The following TRIM22 variants were observed in gnomAD, a reference collection of about 807,000 sequenced individuals.
The protein encoded by TRIM22 is tripartite motif containing 22, also known as E3 ubiquitin-protein ligase TRIM22.
Under a neutral mutation model 53.6 loss-of-function variants are expected in TRIM22, and 45 were observed. That is an observed-to-expected ratio of 0.84 (90% confidence interval 0.66 to 1.08). TRIM22 has a LOEUF of 1.08. Ranked by LOEUF, TRIM22 falls within the 50% of genes least tolerant of loss-of-function variation. TRIM22 has a pLI of 0.00. For missense variants in TRIM22, 616 were observed against 590.9 expected (o/e 1.04, Z -0.44); for synonymous variants, 225 against 216.6 (o/e 1.04, Z -0.34).
Position 5,698,423 on chromosome 11 carries a change from G to C in TRIM22, c.628G>C (p.Val210Leu). 6.2e-7 allele frequency: 1 copy of C among 1,614,212 alleles called. No individual in the cohort carries two copies. Among genetic ancestry groups the C allele is most frequent in the Non-Finnish European group, 8.5e-7 (1 of 1,180,028 alleles). ...RELQKLEEGEVNVLDNLAAAT... is the reference protein window; with the variant it reads ...RELQKLEEGELNVLDNLAAAT... ...GCTGCAAAAGCTGGAGGAAGGTGAG[G>C]TGAATGTGCTGGATAACCTGGCAGC... The change falls in exon 4 of 8, where the codon GTG (valine) becomes CTG (leucine). Residue 210 changes from valine (V) to leucine (L), a missense_variant. Transcript: ENST00000379965.
At position 5,709,216 on chromosome 11, in the gene TRIM22, T is replaced by C; in HGVS notation, c.1065T>C (p.Tyr355=). 1.9e-6 allele frequency: 3 copies of C among 1,614,206 alleles called. No homozygotes were observed. The highest frequency in any genetic ancestry group is 2.5e-6 in the Non-Finnish European group (3 of 1,180,044). The part of the protein sequence containing the change: ...FGCQYFSSGK[Y]YWEVDVSGKI... ...GCCAATATTTCTCTTCGGGGAAATA[T>C]TACTGGGAAGTAGATGTGTCTGGAA... Residue 355 remains tyrosine (Y), a synonymous_variant, in exon 8 of 8, where the codon TAT becomes TAC. Transcript: ENST00000379965.
At chr11:5,709,029 T>G in intron 7 of TRIM22, 24 bp from the exon 8 acceptor site, 1 of 1,582,900 alleles carries the variant, frequency 6.3e-7, no homozygotes, top group South Asian at 1.1e-5. Flanking sequence ...TATCCTTCAC[T>G]TGACTTGGTA....
intron 4 of TRIM22, 82 bp downstream of exon 4, chr11:5,698,627 G>C (rs987806491): frequency 1.7e-6 from 2 of 1,160,662 alleles, no homozygotes; most frequent in Admixed American, 4.3e-5. Context: ...CCAGTCTCTA[G>C]GCTTTCTTCT....
chr11:5,694,024 C>G (rs1853219066), intron 1 of TRIM22, among the ~76,000 whole-genome samples: 1 of 152,178 alleles, frequency 6.6e-6, no homozygotes, highest in Non-Finnish European at 1.5e-5. Flanking sequence ...TTCTTCTTCA[C>G]CCTGGCATAT....
Position 5,697,706 on chromosome 11 carries a change from T to G in TRIM22, c.519+363T>G, listed in dbSNP as rs1590313869. On this transcript the variant is annotated intron_variant, in intron 3 of 7. Coordinates refer to ENST00000379965, the MANE Select transcript of TRIM22 (RefSeq NM_006074.5). ...GTTTCAGTAGGGGGATTTTTTTGTTTGTTTGTTTGTTTTTTGAGACAGAGT... is the reference window on the plus strand; with the variant it reads ...GTTTCAGTAGGGGGATTTTTTTGTTGGTTTGTTTGTTTTTTGAGACAGAGT... 2.5e-5 allele frequency: 5 copies of G among 197,462 alleles called. No homozygotes were observed. In the East Asian group the frequency reaches 5.7e-4, roughly 23 times the overall value. 12.2% of individuals were successfully genotyped at this position (197,462 alleles called of 1,614,324 possible).
chr11:5,695,566 G>GTT lies in TRIM22; in HGVS notation c.-66-591_-66-590dup, dbSNP rs10664616. 4.1e-3 allele frequency among the ~76,000 whole-genome samples: 604 copies of GTT among 145,764 alleles called. 9 individuals carry two copies. The highest frequency in any genetic ancestry group is 0.013 in the African/African-American group (525 of 39,774). On this transcript the variant is annotated intron_variant, in intron 1 of 7. Coordinates refer to ENST00000379965, the MANE Select transcript of TRIM22 (RefSeq NM_006074.5). ...TCAGAATAGGAGTGATGGCATTAGG[G>GTT]TTTTTTTTTTTCAGGTGATAAAAAT...
chr11:5,692,773 A>C (rs1853192239), intron 1 of TRIM22, among the ~76,000 whole-genome samples: 1 of 147,238 alleles, frequency 6.8e-6, no homozygotes, highest in South Asian at 2.2e-4. Flanking sequence ...CAGCCTGGGC[A>C]ACGCAGTGAG....
At chr11:5,693,146 C>A (rs1246097105) in intron 1 of TRIM22, among the ~76,000 whole-genome samples, 1 of 150,300 alleles carries the variant, frequency 6.7e-6, no homozygotes, top group East Asian at 2.0e-4. Flanking sequence ...CTCGGCCCCC[C>A]AAACTGCTGG....
At chr11:5,704,100 TA>T (rs1283205117) in intron 4 of TRIM22, among the ~76,000 whole-genome samples, 3 of 152,166 alleles carry the variant, frequency 2.0e-5, no homozygotes, top group African/African-American at 7.2e-5. Context: ...TAAAAGAACT[TA>T]AAACAGAGCT....
rs1853517914 is a variant in TRIM22, at chr11:5,709,286, A to T, written c.1135A>T (p.Asn379Tyr). 6.2e-7 allele frequency: 1 copy of T among 1,613,910 alleles called. No homozygotes were observed. Among genetic ancestry groups the T allele is most frequent in the Non-Finnish European group, 8.5e-7 (1 of 1,179,998 alleles). ...CGTACACAGTAAAATAAGTAGTCTG[A>T]ATAAAAGGAAGAGCTCTGGGTTTGC... ...LGVHSKISSL[N>Y]KRKSSGFAFD... is the part of the protein sequence containing the mutation. Residue 379 changes from asparagine (N) to tyrosine (Y), a missense_variant, in exon 8 of 8, where the codon AAT becomes TAT. Physicochemically the swap from Asn to Tyr is moderately radical, Grantham distance 143. Transcript: ENST00000379965.
chr11:5,698,569 A>G (rs777980080), intron 4 of TRIM22, 24 bp downstream of exon 4: 17 of 1,576,928 alleles, frequency 1.1e-5, no homozygotes, highest in Middle Eastern at 1.8e-4. Context: ...TGGAGCACCT[A>G]CGTAAGAGAT....
intron 5 of TRIM22, among the ~76,000 whole-genome samples, chr11:5,707,731 G>A (rs577461009): frequency 1.3e-5 from 2 of 152,252 alleles, no homozygotes; most frequent in African/African-American, 2.4e-5. Flanking sequence ...AGAATGGCTT[G>A]AACCTGGGAG....
rs184896942 is a variant in TRIM22 at position 5,700,862 on chromosome 11, G to A, written c.750+2317G>A. Among the ~76,000 whole-genome samples, 243 of 151,936 alleles carry A rather than the reference G, an allele frequency of 1.6e-3. 1 individual carries two copies. Among genetic ancestry groups the A allele is most frequent in the African/African-American group, 5.6e-3 (231 of 41,426 alleles). On this transcript the variant is annotated intron_variant, in intron 4 of 7. Transcript: ENST00000379965. ...TGGTTTTGAACTCCTGACCTCAGAT[G>A]CACCCGGCCGAGAAACTTCCTCTTT...
chr11:5,705,890 T>G (rs10838568), intron 4 of TRIM22, among the ~76,000 whole-genome samples: 47,920 of 151,974 alleles, frequency 0.32, 8,768 homozygotes, highest in African/African-American at 0.5. Context: ...CTGAAAAATG[T>G]ATGAGATCAC....
Position 5,708,264 on chromosome 11 carries a change from G to A in TRIM22, c.865G>A (p.Val289Ile), listed in dbSNP as rs1222540847. Residue 289 changes from valine (V) to isoleucine (I), a missense_variant, in exon 6 of 8, where the codon GTT becomes ATT. Transcript: ENST00000379965. ...RVPDLSGMLQ[V>I]LKELTDVQYY... ...ACCAGATCTGAGTGGGATGCTGCAA[G>A]TTCTTAAAGGTAAGGGGATTCAGGG... The A allele has an allele frequency of 6.2e-7, 1 of 1,613,460 alleles. No homozygotes were observed. The highest frequency in any genetic ancestry group is 1.3e-5 in the African/African-American group (1 of 75,048).
At chr11:5,691,369 C>T (rs183039917) in intron 1 of TRIM22, among the ~76,000 whole-genome samples, 32 of 152,174 alleles carry the variant, frequency 2.1e-4, no homozygotes, top group African/African-American at 1.4e-4. Flanking sequence ...GTAATTAGAT[C>T]GGAACAAAAC....
rs369734227 is a variant in TRIM22, at chr11:5,709,379, A to G, written c.1228A>G (p.Ile410Val). ...RYRPQYGYWV[I>V]GLQNTCEYNA... Reference sequence around the variant, plus strand: ...TAGACCTCAATATGGCTACTGGGTTATAGGATTACAGAATACATGTGAATA... The same window carrying G: ...TAGACCTCAATATGGCTACTGGGTTGTAGGATTACAGAATACATGTGAATA... Residue 410 changes from isoleucine (I) to valine (V), a missense_variant, in exon 8 of 8, where the codon ATA becomes GTA. Transcript: ENST00000379965. 9 of 1,614,214 alleles carry G rather than the reference A, an allele frequency of 5.6e-6. No homozygotes were observed. The South Asian group carries it at 9.9e-5, about 18-fold the overall frequency.
chr11:5,697,501 T>C (rs1315892714), intron 3 of TRIM22, 158 bp downstream of exon 3: 2 of 550,914 alleles, frequency 3.6e-6, no homozygotes, highest in Non-Finnish European at 6.4e-6. Context: ...TGTTGGAGTT[T>C]AGGGGCTGGA....
At chr11:5,704,638 T>G (rs1047619006) in intron 4 of TRIM22, among the ~76,000 whole-genome samples, 1 of 152,228 alleles carries the variant, frequency 6.6e-6, no homozygotes, top group Non-Finnish European at 1.5e-5. Context: ...AGTTTCATTT[T>G]GGTAAAGATC....
Sources: allele counts gnomAD v4.1 joint callset (sites outside exome capture counted in the v4.1 genomes callset), GRCh38; gene constraint gnomAD v4.1.1; transcripts MANE v1.5; gene names NCBI Gene and HGNC (gene_info 2026-07-23, HGNC 2026-07-21).